Variants in PIANP observed in about 807,000 individuals in gnomAD.
PIANP encodes PILR alpha-associated neural protein.
In PIANP, 14 loss-of-function variants were observed where a neutral mutation model predicts 28.9. The ratio of observed to expected loss-of-function variants is 0.49; its 90% CI spans 0.32 to 0.76. The LOEUF is 0.76. Among genes scored for constraint, PIANP ranks in the 30% least tolerant of loss-of-function variants. The pLI is 0.03. For missense variants in PIANP, 322 were observed against 371.8 expected (o/e 0.87, Z 1.10); for synonymous variants, 149 against 156.6 (o/e 0.95, Z 0.36).
chr12:6,694,927 C>T lies in PIANP; in HGVS notation c.*499G>A. ...CCGGGTGGTGTGCAAGGGGCAGGAG[C>T]CAGGAGCCCCTGTGGCCCCAGCTCC... On this transcript the variant is annotated 3_prime_UTR_variant, in exon 5 of 5. Coordinates refer to ENST00000534837, the MANE Select transcript of PIANP (RefSeq NM_001244014.2). This position sits in a 1 kb window ranked among gnomAD's most constrained non-coding sequence, Gnocchi z 6.1. 2 of 1,345,896 alleles carry T rather than the reference C, an allele frequency of 1.5e-6. No homozygotes were observed. Among genetic ancestry groups the T allele is most frequent in the Non-Finnish European group, 1.0e-6 (1 of 1,003,746 alleles). The allele number at this position is 1,345,896 out of a possible 1,614,324, so 83.4% of individuals were successfully genotyped here.
intron 1 of PIANP, among the ~76,000 whole-genome samples, chr12:6,698,683 G>A (rs1959955606): frequency 6.6e-6 from 1 of 152,176 alleles, no homozygotes; most frequent in African/African-American, 2.4e-5. Context: ...AGAGAGGTGA[G>A]TGGGAGAAAA....
At position 6,700,044 on chromosome 12, in the gene PIANP, G is replaced by A. The variant is rs1413639245; in HGVS notation, c.-44+570C>T. 6.6e-6 allele frequency: 1 copy of A among 152,210 alleles called. No individual in the cohort carries two copies. The highest frequency in any genetic ancestry group is 1.5e-5 in the Non-Finnish European group (1 of 68,116). The allele number at this position is 152,210 out of a possible 1,614,324, so 9.4% of individuals were successfully genotyped here. A position where few individuals can be genotyped will look rare whatever the true frequency, so the allele number is the denominator to read the frequency against. ...CCAGCCAGCGCCAACCCAGTCCCTG[G>A]GCCCCGCACAGCTTCAGCCGCCCCC... is the stretch of plus-strand genomic sequence containing the variant. On this transcript the variant is annotated intron_variant, in intron 1 of 4. Transcript: ENST00000534837. The surrounding 1 kb of genome is among the most constrained non-coding windows in gnomAD (Gnocchi z 5.5).
rs1472430808 is a variant in PIANP, at chr12:6,697,284, C to T, written c.523+3G>A. On this transcript the variant is annotated splice_donor_region_variant and intron_variant, in intron 3 of 4. Transcript: ENST00000534837. The surrounding 1 kb of genome is among the most constrained non-coding windows in gnomAD (Gnocchi z 6.9). ...CATATCCCTCCCAGCCTTTCCCACT[C>T]ACCTTCCCCACGGCCCCCGAACAGG... 1 of 1,613,564 alleles carries T rather than the reference C, an allele frequency of 6.2e-7. No individual in the cohort carries two copies. Among genetic ancestry groups the T allele is most frequent in the African/African-American group, 1.3e-5 (1 of 75,034 alleles).
In PIANP at chr12:6,697,070, A is replaced by G. The variant is rs1158666389; in HGVS notation, c.523+217T>C. The stretch of plus-strand genomic sequence containing the variant: ...ATCATGCTGCACATGCCTCTATTAA[A>G]GCATTTATTACGATGACTCCTCTCC... On this transcript the variant is annotated intron_variant, in intron 3 of 4. Coordinates refer to ENST00000534837, the MANE Select transcript of PIANP (RefSeq NM_001244014.2). This position sits in a 1 kb window ranked among gnomAD's most constrained non-coding sequence, Gnocchi z 6.9. Among the ~76,000 whole-genome samples, 1 of 152,294 alleles carries G rather than the reference A, an allele frequency of 6.6e-6. No individual in the cohort carries two copies. The highest frequency in any genetic ancestry group is 1.9e-4 in the East Asian group (1 of 5,186).
At position 6,700,740 on chromosome 12, in the gene PIANP, G is replaced by T. The variant is rs1390068760; in HGVS notation, c.-170C>A. On this transcript the variant is annotated 5_prime_UTR_variant, in exon 1 of 5. Coordinates refer to ENST00000534837, the MANE Select transcript of PIANP (RefSeq NM_001244014.2). This position sits in a 1 kb window ranked among gnomAD's most constrained non-coding sequence, Gnocchi z 5.5. ...TTGGCCCGCGGCAGGGCGCTGGAGC[G>T]GGTGGGGGGCGGGCGCCTGGGGCGC... 26 of 151,798 alleles carry T rather than the reference G, an allele frequency of 1.7e-4. No individual in the cohort carries two copies. The highest frequency in any genetic ancestry group is 3.0e-4 in the Non-Finnish European group (20 of 67,774). 9.4% of individuals were successfully genotyped at this position (151,798 alleles called of 1,614,324 possible).
In PIANP at chr12:6,697,670, C is replaced by T; in HGVS notation, c.140G>A (p.Cys47Tyr). 2 of 1,555,690 alleles carry T rather than the reference C, an allele frequency of 1.3e-6. No individual in the cohort carries two copies. Among genetic ancestry groups the T allele is most frequent in the Non-Finnish European group, 1.7e-6 (2 of 1,150,200 alleles). The change falls in exon 3 of 5, where the codon TGT (cysteine) becomes TAT (tyrosine). Residue 47 changes from cysteine to tyrosine, a missense_variant. Physicochemically the swap from Cys to Tyr is radical, Grantham distance 194. Transcript: ENST00000534837. This position sits in a 1 kb window ranked among gnomAD's most constrained non-coding sequence, Gnocchi z 6.9. ...TGGGGCCGAGGGGCCTCCCCTGGCA[C>T]ACGGGGGGCGGGCTGGGGCTGGTGG... is the stretch of plus-strand genomic sequence containing the variant. The part of the protein sequence containing the change: ...RTPPAPARPP[C>Y]ARGGPSAPRH...
At position 6,697,329 on chromosome 12, in the gene PIANP, G is replaced by A. The variant is rs1959896203; in HGVS notation, c.481C>T (p.Pro161Ser). 1 of 1,614,018 alleles carries A rather than the reference G, an allele frequency of 6.2e-7. No individual in the cohort carries two copies. The highest frequency in any genetic ancestry group is 1.3e-5 in the African/African-American group (1 of 75,058). Residue 161 changes from proline (P) to serine (S), a missense_variant, in exon 3 of 5, where the codon CCT (proline) becomes TCT (serine). Physicochemically the swap from Pro to Ser is moderately conservative, Grantham distance 74 (BLOSUM62 -1). Coordinates refer to ENST00000534837, the MANE Select transcript of PIANP (RefSeq NM_001244014.2). This position sits in a 1 kb window ranked among gnomAD's most constrained non-coding sequence, Gnocchi z 6.9. ...AACAGGAATGGCCGCAGGGTGGCAG[G>A]TGCCTCTCCAAGGATAAGCCCATCT... ...DGDGLILGEA[P>S]ATLRPFLFGG... is the part of the protein sequence containing the mutation.
rs1959859183 is a variant in PIANP, at chr12:6,696,321, C to A, written c.605+122G>T. The A allele has an allele frequency of 1.5e-6, 1 of 670,632 alleles. No homozygotes were observed. The highest frequency in any genetic ancestry group is 2.5e-6 in the Non-Finnish European group (1 of 407,408). The allele number at this position is 670,632 out of a possible 1,614,324, so 41.5% of individuals were successfully genotyped here. On this transcript the variant is annotated intron_variant, in intron 4 of 4. Coordinates refer to ENST00000534837, the MANE Select transcript of PIANP (RefSeq NM_001244014.2). The surrounding 1 kb of genome is among the most constrained non-coding windows in gnomAD (Gnocchi z 4.0). ...TTAATTATCTTTTCCCAAGGTCTTG[C>A]CTTCATCCAGCATTTCCCACCCACC...
chr12:6,693,162 C>T (rs914928681), downstream of PIANP, among the ~76,000 whole-genome samples: 2 of 152,066 alleles, frequency 1.3e-5, no homozygotes, highest in Middle Eastern at 3.2e-3. Context: ...TGACTGATCC[C>T]AGCTGGGCAG....
In PIANP at chr12:6,694,809, G is replaced by T; in HGVS notation, c.*617C>A. 2 of 521,954 alleles carry T rather than the reference G, an allele frequency of 3.8e-6. No homozygotes were observed. The highest frequency in any genetic ancestry group is 3.4e-6 in the Non-Finnish European group (1 of 292,462). 32.3% of individuals were successfully genotyped at this position (521,954 alleles called of 1,614,324 possible). ...GCAAGGCTTTCATGTGAGTGCACAAGGGTGGGGACAGGGACCCGAAGTCAC... is the reference window on the plus strand; with the variant it reads ...GCAAGGCTTTCATGTGAGTGCACAATGGTGGGGACAGGGACCCGAAGTCAC... On this transcript the variant is annotated 3_prime_UTR_variant, in exon 5 of 5. Coordinates refer to ENST00000534837, the MANE Select transcript of PIANP (RefSeq NM_001244014.2). This position sits in a 1 kb window ranked among gnomAD's most constrained non-coding sequence, Gnocchi z 6.1.
In PIANP at chr12:6,694,757, A is replaced by G; in HGVS notation, c.*669T>C. On this transcript the variant is annotated 3_prime_UTR_variant, in exon 5 of 5. Coordinates refer to ENST00000534837, the MANE Select transcript of PIANP (RefSeq NM_001244014.2). The surrounding 1 kb of genome is among the most constrained non-coding windows in gnomAD (Gnocchi z 6.1). ...GGAGAGGGTGCAGGAGCGTGTGCAA[A>G]TGGCCTGTGAAGGTGGAGGTGAGTG... 2.3e-6 allele frequency: 1 copy of G among 435,380 alleles called. No individual in the cohort carries two copies. The highest frequency in any genetic ancestry group is 3.4e-5 in the East Asian group (1 of 29,066). The allele number at this position is 435,380 out of a possible 1,614,324, so 27.0% of individuals were successfully genotyped here. A position where few individuals can be genotyped will look rare whatever the true frequency, so the allele number is the denominator to read the frequency against.
At chr12:6,698,922 A>C (rs1275816361) in intron 1 of PIANP, among the ~76,000 whole-genome samples, 1 of 152,118 alleles carries the variant, frequency 6.6e-6, no homozygotes, top group Non-Finnish European at 1.5e-5. Flanking sequence ...AAGATAGGAT[A>C]CCCGTTTCCT....
chr12:6,695,556 G>C lies in PIANP; in HGVS notation c.701C>G (p.Ala234Gly). Residue 234 changes from alanine to glycine, a missense_variant, in exon 5 of 5, where the codon GCT (alanine) becomes GGT (glycine). Ala to Gly is a moderately conservative substitution (Grantham distance 60). Coordinates refer to ENST00000534837, the MANE Select transcript of PIANP (RefSeq NM_001244014.2). The surrounding 1 kb of genome is among the most constrained non-coding windows in gnomAD (Gnocchi z 4.2). ...SQQPLTDLSP[A>G]GVTVLGAFGD... is the part of the protein sequence containing the mutation. ...GAAGGCCCCCAGCACAGTGACTCCA[G>C]CCGGGGACAGGTCTGTCAGTGGCTG... 6.3e-7 allele frequency: 1 copy of C among 1,595,622 alleles called. No homozygotes were observed. Among genetic ancestry groups the C allele is most frequent in the Admixed American group, 1.7e-5 (1 of 58,430 alleles).
intron 1 of PIANP, chr12:6,698,321 C>T: frequency 1.7e-6 from 1 of 587,626 alleles, no homozygotes; most frequent in Non-Finnish European, 3.0e-6. Flanking sequence ...CTTCTCAGGT[C>T]CCTGTTACCT....
At position 6,695,399 on chromosome 12, in the gene PIANP, T is replaced by C. The variant is rs1294683785; in HGVS notation, c.*27A>G. 1.4e-6 allele frequency: 2 copies of C among 1,451,720 alleles called. No homozygotes were observed. Among genetic ancestry groups the C allele is most frequent in the African/African-American group, 2.9e-5 (2 of 69,750 alleles). 89.9% of individuals were successfully genotyped at this position (1,451,720 alleles called of 1,614,324 possible). The stretch of plus-strand genomic sequence containing the variant: ...GAAGACCTAAGTTGCCTTCCCTCTT[T>C]GCCCTCCCATCCCATTGCCCCTGCC... On this transcript the variant is annotated 3_prime_UTR_variant, in exon 5 of 5. Coordinates refer to ENST00000534837, the MANE Select transcript of PIANP (RefSeq NM_001244014.2). This position sits in a 1 kb window ranked among gnomAD's most constrained non-coding sequence, Gnocchi z 4.2.
downstream of PIANP, among the ~76,000 whole-genome samples, chr12:6,693,338 G>A (rs1049504731): frequency 1.3e-5 from 2 of 152,094 alleles, no homozygotes; most frequent in Non-Finnish European, 2.9e-5. Flanking sequence ...AGGGAGCAAA[G>A]CTGAAAATAA....
chr12:6,697,651 C>G lies in PIANP; in HGVS notation c.159G>C (p.Ser53=). The G allele has an allele frequency of 2.6e-6, 4 of 1,551,472 alleles. No individual in the cohort carries two copies. Among genetic ancestry groups the G allele is most frequent in the Non-Finnish European group, 2.6e-6 (3 of 1,148,804 alleles). The change falls in exon 3 of 5, where the codon TCG becomes TCC. Residue 53 remains serine, a synonymous_variant. Coordinates refer to ENST00000534837, the MANE Select transcript of PIANP (RefSeq NM_001244014.2). This position sits in a 1 kb window ranked among gnomAD's most constrained non-coding sequence, Gnocchi z 6.9. The part of the protein sequence containing the change: ...ARPPCARGGP[S]APRHVCVWER... ...CCCACACGCACACATGACGTGGGGC[C>G]GAGGGGCCTCCCCTGGCACACGGGG...
intron 1 of PIANP, 66 bp from the exon 2 acceptor site, chr12:6,698,170 A>G (rs1408841661): frequency 1.2e-5 from 15 of 1,298,988 alleles, no homozygotes; most frequent in Non-Finnish European, 1.5e-5. Flanking sequence ...TAATTCATCC[A>G]CCAATTCTAC....
Position 6,697,133 on chromosome 12 carries a change from C to T in PIANP, c.523+154G>A, listed in dbSNP as rs1312983874. ...GTCTGTCTGCTCCAGTGGACCTGAACTCCGAGAGGGTGTCTTTATCTCTGC... is the reference window on the plus strand; with the variant it reads ...GTCTGTCTGCTCCAGTGGACCTGAATTCCGAGAGGGTGTCTTTATCTCTGC... On this transcript the variant is annotated intron_variant, in intron 3 of 4. Coordinates refer to ENST00000534837, the MANE Select transcript of PIANP (RefSeq NM_001244014.2). This position sits in a 1 kb window ranked among gnomAD's most constrained non-coding sequence, Gnocchi z 6.9. Among the ~76,000 whole-genome samples, 3 of 152,216 alleles carry T rather than the reference C, an allele frequency of 2.0e-5. No individual in the cohort carries two copies. The highest frequency in any genetic ancestry group is 7.2e-5 in the African/African-American group (3 of 41,448).
Sources: gnomAD v4.1 joint callset for allele counts (sites outside exome capture counted in the v4.1 genomes callset) on GRCh38, gnomAD v4.1.1 for gene constraint, Gnocchi (gnomAD v3.1) non-coding constraint, MANE v1.5 for transcripts, NCBI Gene and HGNC (gene_info 2026-07-23, HGNC 2026-07-21) for gene names.